The following DNAJC13 variants were observed in gnomAD, a reference collection of about 807,000 sequenced individuals.
DNAJC13 encodes the protein DnaJ heat shock protein family (Hsp40) member C13.
DNAJC13 carries 75 observed loss-of-function variants against 290.5 expected under a neutral mutation model. That is an observed-to-expected ratio of 0.26 (90% CI 0.21 to 0.31). The LOEUF (loss-of-function observed/expected upper bound fraction) is 0.31. Ranked by LOEUF, DNAJC13 falls within the 10% of genes least tolerant of loss-of-function variation. DNAJC13 has a pLI of 1.00. For missense variants in DNAJC13, 2,260 were observed against 2,674.5 expected, an observed-to-expected ratio of 0.85 and a Z score of 3.42; for synonymous variants, 862 against 892.0, an observed-to-expected ratio of 0.97 and a Z score of 0.60.
intron 1 of DNAJC13, among the ~76,000 whole-genome samples, chr3:132,423,265 G>A (rs1352607202): frequency 1.3e-5 from 2 of 152,162 alleles, no homozygotes; most frequent in Admixed American, 1.3e-4. Flanking sequence ...GGTGACAAAG[G>A]AAGACCCTGT....
At chr3:132,431,577 C>T (rs905777946) in intron 1 of DNAJC13, among the ~76,000 whole-genome samples, 3 of 151,808 alleles carry the variant, frequency 2.0e-5, no homozygotes, top group Non-Finnish European at 2.9e-5. Flanking sequence ...ACAAGCAGGA[C>T]GAATGAAGAC....
chr3:132,462,009 A>C (rs972933286), intron 15 of DNAJC13, among the ~76,000 whole-genome samples: 5 of 152,108 alleles, frequency 3.3e-5, no homozygotes, highest in Admixed American at 2.0e-4. Flanking sequence ...TTAGTAGTGA[A>C]AAACTCATTT....
At chr3:132,422,149 G>A (rs2107637791) in intron 1 of DNAJC13, among the ~76,000 whole-genome samples, 1 of 151,668 alleles carries the variant, frequency 6.6e-6, no homozygotes, top group Admixed American at 6.6e-5. Context: ...TCCCACCTTA[G>A]CCTCCTTAGT....
intron 46 of DNAJC13, 38 bp from the exon 47 acceptor site, chr3:132,516,384 C>T: frequency 6.3e-7 from 1 of 1,598,522 alleles, no homozygotes; most frequent in Non-Finnish European, 8.6e-7. Flanking sequence ...ATAAGCTAAC[C>T]TGATGATGCA....
intron 46 of DNAJC13, chr3:132,514,884 A>G: frequency 2.4e-6 from 1 of 420,328 alleles, no homozygotes; most frequent in Non-Finnish European, 4.2e-6. Context: ...AGAGAGGTCC[A>G]AAACCAAAGG....
In DNAJC13 at chr3:132,456,238, T is replaced by G; in HGVS notation, c.936T>G (p.Asp312Glu). Reference protein sequence around the residue: ...QVRKYSSTERDSLLASLLDGV... With the variant: ...QVRKYSSTERESLLASLLDGV... ...TTTTACTTTTAATCTTACTTAGAGA[T>G]TCCTTATTAGCAAGTTTGCTGGATG... The change falls in exon 10 of 56, where the codon GAT (aspartate) becomes GAG (glutamate). Residue 312 changes from aspartate (D) to glutamate (E), a missense_variant. By Grantham distance (45) the Asp-to-Glu change is conservative. Coordinates refer to ENST00000260818, the MANE Select transcript of DNAJC13 (RefSeq NM_015268.4). 1 of 1,610,344 alleles carries G rather than the reference T, an allele frequency of 6.2e-7. No individual in the cohort carries two copies.
At chr3:132,425,132 CAAG>C (rs1376688482) in intron 1 of DNAJC13, among the ~76,000 whole-genome samples, 1 of 152,104 alleles carries the variant, frequency 6.6e-6, no homozygotes, top group African/African-American at 2.4e-5. Flanking sequence ...CCTAGATCCT[CAAG>C]AAGCCAATAT....
intron 20 of DNAJC13, among the ~76,000 whole-genome samples, chr3:132,470,766 A>G (rs748928524): frequency 1.5e-3 from 102 of 67,500 alleles, no homozygotes; most frequent in South Asian, 1.9e-3. Context: ...CTCACCTCCC[A>G]GACGGGGCGG....
rs564270138 is a variant in DNAJC13, at chr3:132,475,449, T to C, written c.2445+364T>C. On this transcript the variant is annotated intron_variant, in intron 22 of 55. Coordinates refer to ENST00000260818, the MANE Select transcript of DNAJC13 (RefSeq NM_015268.4). ...TTGTAACTTGTTTGATTTTTTTTTG[T>C]GTTAATTGATTCTGAATGTGACCAT... Among the ~76,000 whole-genome samples the C allele has an allele frequency of 3.9e-5, 6 of 152,238 alleles. No homozygotes were observed. The South Asian group carries it at 8.3e-4, about 21-fold the overall frequency.
intron 20 of DNAJC13, among the ~76,000 whole-genome samples, chr3:132,472,028 C>T (rs1412618908): frequency 1.2e-4 from 18 of 150,090 alleles, no homozygotes; most frequent in African/African-American, 3.7e-4. Flanking sequence ...CGGGATCACT[C>T]GCGGTTAGGG....
At chr3:132,467,334 C>T (rs1447224914) in intron 20 of DNAJC13, 21 bp downstream of exon 20, 2 of 1,610,882 alleles carry the variant, frequency 1.2e-6, no homozygotes, top group Admixed American at 1.7e-5. Flanking sequence ...AATTTGCTTC[C>T]AAATTCCTGG....
chr3:132,477,082 A>C (rs993104375), intron 22 of DNAJC13, among the ~76,000 whole-genome samples: 1 of 152,262 alleles, frequency 6.6e-6, no homozygotes, highest in Non-Finnish European at 1.5e-5. Context: ...GTGTATGCTT[A>C]ATAGAAATTG....
At position 132,461,187 on chromosome 3, in the gene DNAJC13, C is replaced by T. The variant is rs139887434; in HGVS notation, c.1695C>T (p.Thr565=). The change falls in exon 15 of 56, where the codon ACC becomes ACT. Residue 565 remains threonine (T), a synonymous_variant. Coordinates refer to ENST00000260818, the MANE Select transcript of DNAJC13 (RefSeq NM_015268.4). ...AGATGGTAGCATCCAATGGAAGAACCCTTTTTAAACTTTTTCAGGTGAGAG... is the reference window on the plus strand; with the variant it reads ...AGATGGTAGCATCCAATGGAAGAACTCTTTTTAAACTTTTTCAGGTGAGAG... ...LLEMVASNGR[T]LFKLFQHPSM... 1 of 1,613,882 alleles carries T rather than the reference C, an allele frequency of 6.2e-7. No individual in the cohort carries two copies. Among genetic ancestry groups the T allele is most frequent in the Admixed American group, 1.7e-5 (1 of 59,988 alleles).
intron 1 of DNAJC13, among the ~76,000 whole-genome samples, chr3:132,418,302 G>T (rs953320611): frequency 6.6e-5 from 10 of 152,186 alleles, no homozygotes; most frequent in Non-Finnish European, 1.3e-4. Flanking sequence ...TTTCCTTCCT[G>T]CAAGGCAGCT....
rs1934627603 is a variant in DNAJC13 at position 132,480,377 on chromosome 3, T to G, written c.2781T>G (p.Val927=). ...LNKLILNKKN[V]KDLMDSNGIR... ...ATGTTTTCCTCTTCCAGAAAAATGT[T>G]AAGGATCTCATGGATTCAAATGGAA... Residue 927 remains valine (V), a synonymous_variant, in exon 26 of 56, where the codon GTT becomes GTG. Coordinates refer to ENST00000260818, the MANE Select transcript of DNAJC13 (RefSeq NM_015268.4). The G allele has an allele frequency of 6.2e-7, 1 of 1,611,740 alleles. No individual in the cohort carries two copies. Among genetic ancestry groups the G allele is most frequent in the Non-Finnish European group, 8.5e-7 (1 of 1,178,498 alleles).
intron 48 of DNAJC13, among the ~76,000 whole-genome samples, chr3:132,522,550 CAG>C (rs1415789880): frequency 6.6e-6 from 1 of 152,024 alleles, no homozygotes; most frequent in Non-Finnish European, 1.5e-5. Context: ...GATACGGAGG[CAG>C]GGGGTGAAAA....
At chr3:132,526,792 T>C (rs896067872) in intron 53 of DNAJC13, among the ~76,000 whole-genome samples, 3 of 152,192 alleles carry the variant, frequency 2.0e-5, no homozygotes, top group Admixed American at 6.5e-5. Context: ...TAGACAGATG[T>C]TGATGGAACA....
intron 36 of DNAJC13, among the ~76,000 whole-genome samples, chr3:132,497,390 G>A (rs1180236735): frequency 2.0e-5 from 3 of 152,172 alleles, no homozygotes; most frequent in African/African-American, 7.2e-5. Flanking sequence ...GCACAAAGTG[G>A]GAGAGCCATT....
chr3:132,490,403 T>C (rs1184444937), intron 31 of DNAJC13, among the ~76,000 whole-genome samples: 1 of 152,218 alleles, frequency 6.6e-6, no homozygotes, highest in Non-Finnish European at 1.5e-5. Flanking sequence ...GCAAAGCAGT[T>C]AATTATAATT....
Sources: allele counts gnomAD v4.1 joint callset (sites outside exome capture counted in the v4.1 genomes callset), GRCh38; gene constraint gnomAD v4.1.1; transcripts MANE v1.5; gene names NCBI Gene and HGNC (gene_info 2026-07-23, HGNC 2026-07-21).